Variants in MCTP1 observed in about 807,000 individuals in gnomAD.
MCTP1 encodes multiple C2 and transmembrane domain containing 1.
A neutral mutation model predicts 120.6 loss-of-function variants in MCTP1; 69 were observed. The ratio of observed to expected loss-of-function variants is 0.57; its 90% CI spans 0.47 to 0.70. MCTP1 has a LOEUF of 0.70. MCTP1 is among the 30% of genes least tolerant of loss of function. MCTP1 has a pLI of 0.00. For synonymous variants in MCTP1, 529 were observed against 493.1 expected (o/e 1.07, Z -0.96); for missense variants, 1,203 against 1,248.8 (o/e 0.96, Z 0.55).
chr5:94,861,153 C>T (rs552171840), intron 17 of MCTP1, among the ~76,000 whole-genome samples: 82 of 151,914 alleles, frequency 5.4e-4, no homozygotes, highest in African/African-American at 1.9e-3. Flanking sequence ...TCTGTCATCA[C>T]GGCAAAGTAC....
At chr5:94,921,249 AT>A (rs1280576736) in intron 7 of MCTP1, among the ~76,000 whole-genome samples, 5 of 152,164 alleles carry the variant, frequency 3.3e-5, no homozygotes, top group Non-Finnish European at 5.9e-5. Context: ...ATGGCTTAAT[AT>A]TTTTTATCCT....
intron 12 of MCTP1, among the ~76,000 whole-genome samples, chr5:94,874,528 C>T (rs1798404710): frequency 6.6e-6 from 1 of 152,050 alleles, no homozygotes; most frequent in African/African-American, 2.4e-5. Flanking sequence ...CATAATTTAA[C>T]ATCATGGTAG....
chr5:94,993,077 A>C (rs115455453), intron 2 of MCTP1, among the ~76,000 whole-genome samples: 155 of 152,310 alleles, frequency 1.0e-3, no homozygotes, highest in African/African-American at 3.2e-3. Context: ...TTCTTTTTCA[A>C]TTCAACTAGG....
chr5:95,005,990 C>A (rs1300867403), intron 2 of MCTP1, among the ~76,000 whole-genome samples: 1 of 152,000 alleles, frequency 6.6e-6, no homozygotes, highest in Non-Finnish European at 1.5e-5. Flanking sequence ...GCTCACACAC[C>A]CCCACTCTCA....
intron 1 of MCTP1, among the ~76,000 whole-genome samples, chr5:95,253,899 T>A (rs1400080520): frequency 6.6e-6 from 1 of 152,104 alleles, no homozygotes; most frequent in Non-Finnish European, 1.5e-5. Flanking sequence ...GATTGGTAAA[T>A]ATACTGTAGC....
At position 94,873,140 on chromosome 5, in the gene MCTP1, A is replaced by G; in HGVS notation, c.2035T>C (p.Phe679Leu). The part of the protein sequence containing the change: ...LNPEWNKVFT[F>L]NIKDIHSVLE... ...GAGCCCAAAGAAATGCCTACTTACA[A>G]CGTGAAGACTTTATTCCACTCAGGA... Residue 679 changes from phenylalanine (F) to leucine (L), a missense_variant and splice_region_variant, in exon 13 of 23, where the codon TTC becomes CTC. By Grantham distance (22) the Phe-to-Leu change is conservative (BLOSUM62 0). This residue lies in a region of MCTP1 where 740 missense variants were observed against 871.1 expected (regional missense o/e 0.85). Coordinates refer to ENST00000515393, the MANE Select transcript of MCTP1 (RefSeq NM_024717.7). 1 of 1,556,956 alleles carries G rather than the reference A, an allele frequency of 6.4e-7. No homozygotes were observed. Among genetic ancestry groups the G allele is most frequent in the Non-Finnish European group, 8.9e-7 (1 of 1,129,496 alleles).
chr5:94,790,425 G>C (rs1460972067), intron 18 of MCTP1, among the ~76,000 whole-genome samples: 5 of 152,218 alleles, frequency 3.3e-5, no homozygotes, highest in Non-Finnish European at 7.3e-5. Flanking sequence ...GGTTTAAAGA[G>C]AGCACGAGGG....
chr5:94,706,372 A>G lies in MCTP1; in HGVS notation c.*1124T>C, dbSNP rs1161224351. 6.6e-6 allele frequency: 1 copy of G among 151,628 alleles called. No homozygotes were observed. Among genetic ancestry groups the G allele is most frequent in the African/African-American group, 2.4e-5 (1 of 41,370 alleles). The allele number at this position is 151,628 out of a possible 1,614,324, so 9.4% of individuals were successfully genotyped here. A position where few individuals can be genotyped will look rare whatever the true frequency, so the allele number is the denominator to read the frequency against. On this transcript the variant is annotated 3_prime_UTR_variant, in exon 23 of 23. Transcript: ENST00000515393. The stretch of plus-strand genomic sequence containing the variant: ...ATTCTATGATAATAGTGAAACATTG[A>G]TAAAGGCAACCACCACCCCCAAGCA...
chr5:95,020,453 T>C (rs149731975), intron 1 of MCTP1, among the ~76,000 whole-genome samples: 2 of 152,166 alleles, frequency 1.3e-5, no homozygotes, highest in East Asian at 3.9e-4. Context: ...TATCCTTTGT[T>C]CTCTTTTCTG....
intron 1 of MCTP1, among the ~76,000 whole-genome samples, chr5:95,163,535 G>A (rs980486189): frequency 2.0e-5 from 3 of 152,190 alleles, no homozygotes; most frequent in Admixed American, 2.0e-4. Flanking sequence ...ACTATATAGA[G>A]AGCAGTAGGA....
intron 1 of MCTP1, among the ~76,000 whole-genome samples, chr5:95,208,245 A>C (rs1188390336): frequency 6.6e-6 from 1 of 152,206 alleles, no homozygotes; most frequent in South Asian, 2.1e-4. Context: ...GCCTGCAACC[A>C]TGTCCAGCTA....
chr5:94,963,573 C>A (rs988639527), intron 2 of MCTP1, among the ~76,000 whole-genome samples: 2 of 151,416 alleles, frequency 1.3e-5, no homozygotes, highest in African/African-American at 4.9e-5. Flanking sequence ...TGTTGAGGAC[C>A]TTTTCTTATG....
At chr5:94,948,076 A>G (rs1819567531) in intron 3 of MCTP1, among the ~76,000 whole-genome samples, 1 of 152,196 alleles carries the variant, frequency 6.6e-6, no homozygotes, top group African/African-American at 2.4e-5. Flanking sequence ...AAGAATAGTT[A>G]AAGCCAAAAA....
chr5:94,875,927 C>G (rs149230162), intron 12 of MCTP1, among the ~76,000 whole-genome samples: 30 of 152,168 alleles, frequency 2.0e-4, no homozygotes, highest in African/African-American at 7.0e-4. Flanking sequence ...TTAATGGATG[C>G]TAACATCAGG....
At chr5:94,731,826 A>C (rs556748829) in intron 19 of MCTP1, among the ~76,000 whole-genome samples, 1 of 152,362 alleles carries the variant, frequency 6.6e-6, no homozygotes, top group South Asian at 2.1e-4. Context: ...TTAAAAATTT[A>C]TTATTCACTT....
chr5:95,031,506 C>T (rs184359252), intron 1 of MCTP1, among the ~76,000 whole-genome samples: 10 of 152,184 alleles, frequency 6.6e-5, no homozygotes, highest in Admixed American at 3.3e-4. Flanking sequence ...AGAAAAATGC[C>T]AGCCAAGAAT....
intron 2 of MCTP1, among the ~76,000 whole-genome samples, chr5:94,994,848 T>C (rs1350579469): frequency 6.6e-6 from 1 of 152,196 alleles, no homozygotes; most frequent in Non-Finnish European, 1.5e-5. Context: ...GTAAGTCTTC[T>C]GGCCTACATC....
intron 19 of MCTP1, among the ~76,000 whole-genome samples, chr5:94,749,062 A>G (rs1489387406): frequency 6.6e-6 from 1 of 152,190 alleles, no homozygotes; most frequent in Non-Finnish European, 1.5e-5. Flanking sequence ...ATCTGAAGTT[A>G]TGTTTTGATT....
intron 3 of MCTP1, among the ~76,000 whole-genome samples, chr5:94,945,604 G>A (rs1818720724): frequency 6.6e-6 from 1 of 152,186 alleles, no homozygotes; most frequent in South Asian, 2.1e-4. Flanking sequence ...AACAGTCAAA[G>A]TCTTTGATTT....
Sources: gnomAD v4.1 joint callset for allele counts (sites outside exome capture counted in the v4.1 genomes callset) on GRCh38, gnomAD v4.1.1 for gene constraint, gnomAD v4.1.1 regional missense constraint, MANE v1.5 for transcripts, NCBI Gene and HGNC (gene_info 2026-07-23, HGNC 2026-07-21) for gene names.